The following AKR1C8 variants were observed in gnomAD, a reference collection of about 807,000 sequenced individuals.
AKR1C8 encodes the protein aldo-keto reductase family 1 member C8.
At chr10:5,161,026 T>C in the AKR1C8 span, 2 of 393,030 alleles carry the variant, frequency 5.1e-6, no homozygotes, top group Admixed American at 3.1e-5. Flanking sequence ...TATTTGTGCC[T>C]ACATTTGCAT....
chr10:5,134,899 T>G, the AKR1C8 span, among the ~76,000 whole-genome samples: 1 of 152,110 alleles, frequency 6.6e-6, no homozygotes, highest in Middle Eastern at 3.2e-3. Context: ...GGAACACCCA[T>G]AAACAGAAGA....
At chr10:5,149,471 T>C in the AKR1C8 span, among the ~76,000 whole-genome samples, 1 of 152,144 alleles carries the variant, frequency 6.6e-6, no homozygotes, top group Admixed American at 6.6e-5. Context: ...AAGACCTTTC[T>C]ATCTCAGCCA....
chr10:5,121,355 C>T, the AKR1C8 span, among the ~76,000 whole-genome samples: 5 of 152,122 alleles, frequency 3.3e-5, no homozygotes, highest in African/African-American at 9.7e-5. Flanking sequence ...AGAGAAACTC[C>T]AGAGGATCTT....
chr10:5,166,119 A>G, the AKR1C8 span, among the ~76,000 whole-genome samples: 1 of 152,022 alleles, frequency 6.6e-6, no homozygotes, highest in Non-Finnish European at 1.5e-5. Context: ...TGAGTAACAA[A>G]CCATCTTCAG....
chr10:5,171,073 T>G, the AKR1C8 span, among the ~76,000 whole-genome samples: 1 of 152,126 alleles, frequency 6.6e-6, no homozygotes, highest in Non-Finnish European at 1.5e-5. Context: ...TAATTTAATT[T>G]ATGCAGCTAA....
chr10:5,138,605 C>A, the AKR1C8 span, among the ~76,000 whole-genome samples: 1 of 152,070 alleles, frequency 6.6e-6, no homozygotes, highest in African/African-American at 2.4e-5. Context: ...ATGAAGATAA[C>A]AGGATTAAGA....
the AKR1C8 span, among the ~76,000 whole-genome samples, chr10:5,176,638 T>G: frequency 2.3e-4 from 35 of 152,214 alleles, no homozygotes; most frequent in Middle Eastern, 3.4e-3. Flanking sequence ...TTTGTTTGTA[T>G]CCTCTTTTAT....
At chr10:5,159,584 T>C in the AKR1C8 span, among the ~76,000 whole-genome samples, 2 of 152,088 alleles carry the variant, frequency 1.3e-5, no homozygotes, top group Non-Finnish European at 2.9e-5. Context: ...TTACCATCCA[T>C]AAAGCAATGA....
chr10:5,182,101 T>C, the AKR1C8 span, among the ~76,000 whole-genome samples: 4 of 152,132 alleles, frequency 2.6e-5, no homozygotes, highest in African/African-American at 2.4e-5. Flanking sequence ...CTTTTAACGA[T>C]TGAATAACAT....
At chr10:5,121,821 G>A in the AKR1C8 span, among the ~76,000 whole-genome samples, 14 of 152,184 alleles carry the variant, frequency 9.2e-5, no homozygotes, top group South Asian at 1.0e-3. Context: ...CGTCCAAAGC[G>A]TAGGACCCAG....
chr10:5,177,424 A>G, the AKR1C8 span, among the ~76,000 whole-genome samples: 1 of 152,034 alleles, frequency 6.6e-6, no homozygotes, highest in Admixed American at 6.6e-5. Flanking sequence ...CATCAAGGAT[A>G]TTGGTCTAAA....
the AKR1C8 span, chr10:5,160,032 A>G: frequency 6.1e-6 from 2 of 326,568 alleles, no homozygotes; most frequent in African/African-American, 4.5e-5. Context: ...TGGGTGATAG[A>G]CCTTTAGTGT....
At chr10:5,183,773 C>A in the AKR1C8 span, among the ~76,000 whole-genome samples, 3 of 152,056 alleles carry the variant, frequency 2.0e-5, no homozygotes, top group Non-Finnish European at 4.4e-5. Context: ...AATCAGACTA[C>A]ACACACAGAT....
chr10:5,160,126 A>T, the AKR1C8 span: 1 of 266,372 alleles, frequency 3.8e-6, no homozygotes, highest in Non-Finnish European at 8.2e-6. Context: ...TGAATTAAAC[A>T]GTTTTATCAC....
the AKR1C8 span, among the ~76,000 whole-genome samples, chr10:5,141,493 C>T: frequency 6.6e-6 from 1 of 152,126 alleles, no homozygotes; most frequent in Non-Finnish European, 1.5e-5. Context: ...TTTCCATTTA[C>T]TTTTCCTAGA....
At chr10:5,137,391 C>T in the AKR1C8 span, among the ~76,000 whole-genome samples, 4 of 152,072 alleles carry the variant, frequency 2.6e-5, no homozygotes, top group African/African-American at 7.2e-5. Context: ...CATCAAAAAG[C>T]TTATCCACCA....
the AKR1C8 span, chr10:5,161,837 AG>A: frequency 1.9e-6 from 1 of 534,712 alleles, no homozygotes; most frequent in African/African-American, 1.9e-5. Flanking sequence ...GGGCATAACA[AG>A]GAAAAACAAA....
chr10:5,168,945 ACCT>A, the AKR1C8 span, among the ~76,000 whole-genome samples: 1 of 152,094 alleles, frequency 6.6e-6, no homozygotes, highest in Admixed American at 6.5e-5. Flanking sequence ...AGATGAAAAT[ACCT>A]CAGCCTTTAT....
the AKR1C8 span, among the ~76,000 whole-genome samples, chr10:5,128,656 G>C: frequency 6.6e-6 from 1 of 151,544 alleles, no homozygotes; most frequent in Non-Finnish European, 1.5e-5. Context: ...AGACAAAACA[G>C]ACTTTAAAGC....
Sources: allele counts gnomAD v4.1 joint callset (sites outside exome capture counted in the v4.1 genomes callset), GRCh38; gene constraint gnomAD v4.1.1; transcripts MANE v1.5; gene names NCBI Gene and HGNC (gene_info 2026-07-23, HGNC 2026-07-21).